The following HECTD4 variants were observed in gnomAD, a reference collection of about 807,000 sequenced individuals.
The protein encoded by HECTD4 is HECT domain E3 ubiquitin protein ligase 4, also known as probable E3 ubiquitin-protein ligase HECTD4.
In HECTD4, 114 loss-of-function variants were observed where a neutral mutation model predicts 471.5. The ratio of observed to expected loss-of-function variants is 0.24; its 90% confidence interval spans 0.21 to 0.28. The LOEUF (loss-of-function observed/expected upper bound fraction) is 0.28, where lower values mean the gene tolerates loss of function less well. HECTD4 is among the 10% of genes least tolerant of loss of function. HECTD4 has a pLI of 1.00. For synonymous variants in HECTD4, 2,012 were observed against 2,256.0 expected (o/e 0.89, Z 3.07); for missense variants, 3,866 against 5,651.5 (o/e 0.68, Z 10.13).
chr12:112,366,215 AT>A, intron 1 of HECTD4, among the ~76,000 whole-genome samples: 1 of 151,772 alleles, frequency 6.6e-6, no homozygotes, highest in Non-Finnish European at 1.5e-5. Flanking sequence ...ACAAAAAAAA[AT>A]TGTTCCATTT....
In HECTD4 at chr12:112,239,269, C is replaced by A; in HGVS notation, c.5106-33G>T. ...AGGGTCATGGATTACACTAGATAAACGTAACTGACCGACACTCAGGAAACT... is the reference window on the plus strand; with the variant it reads ...AGGGTCATGGATTACACTAGATAAAAGTAACTGACCGACACTCAGGAAACT... On this transcript the variant is annotated intron_variant, in intron 33 of 75. Coordinates refer to ENST00000682272, the MANE Select transcript of HECTD4 (RefSeq NM_001388303.1). The surrounding 1 kb of genome is among the most constrained non-coding windows in gnomAD (Gnocchi z 4.9). 6.4e-7 allele frequency: 1 copy of A among 1,552,250 alleles called. No individual in the cohort carries two copies. Among genetic ancestry groups the A allele is most frequent in the South Asian group, 1.2e-5 (1 of 80,708 alleles).
intron 7 of HECTD4, among the ~76,000 whole-genome samples, chr12:112,284,729 G>C (rs1214313338): frequency 6.6e-6 from 1 of 152,188 alleles, no homozygotes; most frequent in African/African-American, 2.4e-5. Flanking sequence ...CAAAACCACT[G>C]ACCTTTTCCT....
chr12:112,225,721 T>G (rs1051361693), intron 44 of HECTD4, among the ~76,000 whole-genome samples: 4 of 151,838 alleles, frequency 2.6e-5, no homozygotes, highest in Non-Finnish European at 5.9e-5. Context: ...TGGATCCTCA[T>G]TCAAATAAAT....
At chr12:112,371,901 A>G (rs949996501) in intron 1 of HECTD4, among the ~76,000 whole-genome samples, 37 of 151,106 alleles carry the variant, frequency 2.4e-4, no homozygotes, top group African/African-American at 7.7e-4. Context: ...AAAAAAAAAA[A>G]AAAAAAGAAA....
intron 1 of HECTD4, among the ~76,000 whole-genome samples, chr12:112,320,880 C>T (rs1351229722): frequency 1.3e-5 from 2 of 148,540 alleles, no homozygotes; most frequent in African/African-American, 5.0e-5. Flanking sequence ...TGGAGTCTTG[C>T]TCTCTTGCCC....
rs2031581099 is a variant in HECTD4, at chr12:112,179,414, G to C, written c.10988-17C>G. On this transcript the variant is annotated splice_polypyrimidine_tract_variant and intron_variant, in intron 62 of 75. Transcript: ENST00000682272. The surrounding 1 kb of genome is among the most constrained non-coding windows in gnomAD (Gnocchi z 4.3). ...GCTTCTCCCCTGTTGGATGGAGAGG[G>C]GGCAAAACAATTCTGCCGTGAACAT... 6.3e-7 allele frequency: 1 copy of C among 1,595,700 alleles called. No individual in the cohort carries two copies. The highest frequency in any genetic ancestry group is 8.6e-7 in the Non-Finnish European group (1 of 1,168,808).
chr12:112,313,727 G>C (rs1441669407), intron 3 of HECTD4, among the ~76,000 whole-genome samples: 1 of 151,752 alleles, frequency 6.6e-6, no homozygotes, highest in Non-Finnish European at 1.5e-5. Context: ...GACCTCAAGT[G>C]ATCCTCCCGC....
At chr12:112,209,727 T>C (rs986887643) in intron 50 of HECTD4, among the ~76,000 whole-genome samples, 1 of 152,236 alleles carries the variant, frequency 6.6e-6, no homozygotes, top group Non-Finnish European at 1.5e-5. Context: ...TGAGTAACAC[T>C]GTGACATGAG....
At chr12:112,360,222 G>C (rs1022885351) in intron 1 of HECTD4, among the ~76,000 whole-genome samples, 10 of 152,216 alleles carry the variant, frequency 6.6e-5, no homozygotes, top group Admixed American at 1.3e-4. Context: ...GGGAGGCTGG[G>C]GCAGGAGGAT....
chr12:112,329,559 G>T (rs1482508740), intron 1 of HECTD4, among the ~76,000 whole-genome samples: 1 of 151,938 alleles, frequency 6.6e-6, no homozygotes. Context: ...GTAGAGACAG[G>T]GTTTCGCCAT....
At position 112,232,912 on chromosome 12, in the gene HECTD4, A is replaced by G. The variant is rs969434232; in HGVS notation, c.5997+92T>C. 4 of 1,160,862 alleles carry G rather than the reference A, an allele frequency of 3.4e-6. No individual in the cohort carries two copies. The African/African-American group carries it at 6.1e-5, about 18-fold the overall frequency. The allele number at this position is 1,160,862 out of a possible 1,614,324, so 71.9% of individuals were successfully genotyped here. A position where few individuals can be genotyped will look rare whatever the true frequency, so the allele number is the denominator to read the frequency against. ...TTGCCTCTTCGTTGGAACTTGAACT[A>G]ATTTTTTGTTTTCTTAATTTGTTCT... On this transcript the variant is annotated intron_variant, in intron 38 of 75. Coordinates refer to ENST00000682272, the MANE Select transcript of HECTD4 (RefSeq NM_001388303.1).
intron 1 of HECTD4, among the ~76,000 whole-genome samples, chr12:112,345,151 G>C (rs1028062155): frequency 6.6e-5 from 10 of 152,020 alleles, no homozygotes; most frequent in African/African-American, 2.4e-4. Flanking sequence ...TACTCAGGAG[G>C]CTGAGGCAAG....
intron 7 of HECTD4, among the ~76,000 whole-genome samples, chr12:112,297,009 G>C (rs532701467): frequency 6.6e-6 from 1 of 151,156 alleles, no homozygotes; most frequent in East Asian, 2.0e-4. Flanking sequence ...TGTAGGTGCA[G>C]AGGATGCAGG....
At position 112,192,709 on chromosome 12, in the gene HECTD4, T is replaced by C. The variant is rs1054606486; in HGVS notation, c.9143A>G (p.Lys3048Arg). The C allele has an allele frequency of 5.0e-6, 8 of 1,600,072 alleles. No homozygotes were observed. The highest frequency in any genetic ancestry group is 2.7e-5 in the African/African-American group (2 of 74,684). ...ARVLVYGLGH[K>R]VKRNGQLNLI... The stretch of plus-strand genomic sequence containing the variant: ...GTTCAGCTGGCCATTTCGCTTCACT[T>C]TGTGGCCGAGGCCATATACGAGCAC... The change falls in exon 59 of 76, where the codon AAA becomes AGA. Residue 3048 changes from lysine (K) to arginine (R), a missense_variant. By Grantham distance (26) the Lys-to-Arg change is conservative. Transcript: ENST00000682272.
At chr12:112,252,639 A>C in intron 22 of HECTD4, 111 bp from the exon 23 acceptor site, 2 of 1,213,562 alleles carry the variant, frequency 1.6e-6, no homozygotes, top group Non-Finnish European at 2.3e-6. Context: ...GCAATATTTC[A>C]CTCCTTTTCT....
intron 52 of HECTD4, among the ~76,000 whole-genome samples, chr12:112,206,757 C>G (rs2032598163): frequency 6.6e-6 from 1 of 152,082 alleles, no homozygotes; most frequent in African/African-American, 2.4e-5. Flanking sequence ...AGGATGGTCT[C>G]AATCTCCTGA....
In HECTD4 at chr12:112,243,725, A is replaced by T; in HGVS notation, c.4686T>A (p.Phe1562Leu). 7 of 1,613,898 alleles carry T rather than the reference A, an allele frequency of 4.3e-6. No individual in the cohort carries two copies. The highest frequency in any genetic ancestry group is 5.9e-6 in the Non-Finnish European group (7 of 1,179,804). ...CAATGGCCAGCGACTGCAGGAGTGTAAAGGAGCTGCTGCGGTGGCTGGTCA... is the reference window on the plus strand; with the variant it reads ...CAATGGCCAGCGACTGCAGGAGTGTTAAGGAGCTGCTGCGGTGGCTGGTCA... ...RHVTSHRSSS[F>L]TLLQSLAIED... is the part of the protein sequence containing the mutation. Residue 1562 changes from phenylalanine (F) to leucine (L), a missense_variant, in exon 31 of 76, where the codon TTT becomes TTA. Phe to Leu is a conservative substitution (Grantham distance 22). Around this residue, in one of 16 missense-constraint regions of HECTD4, gnomAD observed 229 missense variants for 386.4 expected, o/e 0.59. Coordinates refer to ENST00000682272, the MANE Select transcript of HECTD4 (RefSeq NM_001388303.1). This position sits in a 1 kb window ranked among gnomAD's most constrained non-coding sequence, Gnocchi z 6.6.
rs756267864 is a variant in HECTD4 at position 112,169,649 on chromosome 12, C to G, written c.12062G>C (p.Arg4021Thr). ...ACAGAAGTAGGAGTTTTCAGAAGCT[C>G]TGATTTCCCCTGGAAAGTGAGATGA... Reference protein sequence around the residue: ...DPLEIVGGEIRASENSYFCQA... With the variant: ...DPLEIVGGEITASENSYFCQA... The change falls in exon 70 of 76, where the codon AGA becomes ACA. Residue 4021 changes from arginine (R) to threonine (T), a missense_variant. Transcript: ENST00000682272. 2.5e-6 allele frequency: 4 copies of G among 1,613,144 alleles called. No homozygotes were observed. In the South Asian group the frequency reaches 3.3e-5, roughly 13 times the overall value.
chr12:112,302,586 C>T, intron 7 of HECTD4: 1 of 669,036 alleles, frequency 1.5e-6, no homozygotes, highest in Admixed American at 2.0e-5. Flanking sequence ...ACAGGGAATT[C>T]ACCACTTTCT....
Sources: allele counts gnomAD v4.1 joint callset (sites outside exome capture counted in the v4.1 genomes callset), GRCh38; gene constraint gnomAD v4.1.1; regional missense constraint gnomAD v4.1.1; non-coding constraint Gnocchi (gnomAD v3.1); transcripts MANE v1.5; gene names NCBI Gene and HGNC (gene_info 2026-07-23, HGNC 2026-07-21).